Variants in CLDN16 observed in about 807,000 individuals in gnomAD.
The protein encoded by CLDN16 is claudin 16.
A neutral mutation model predicts 24.6 loss-of-function variants in CLDN16; 13 were observed. That is an observed-to-expected ratio of 0.53 (90% CI 0.34 to 0.84). The LOEUF (loss-of-function observed/expected upper bound fraction) is 0.84. Ranked by LOEUF, CLDN16 falls within the 40% of genes least tolerant of loss-of-function variation. CLDN16 has a pLI of 0.01. For synonymous variants in CLDN16, 116 were observed against 106.7 expected (o/e 1.09, Z -0.54); for missense variants, 298 against 292.7 (o/e 1.02, Z -0.13).
intron 3 of CLDN16, among the ~76,000 whole-genome samples, chr3:190,407,907 A>C (rs894839260): frequency 6.6e-6 from 1 of 152,208 alleles, no homozygotes; most frequent in African/African-American, 2.4e-5. Flanking sequence ...AAATCATTAC[A>C]GAATGAACAT....
chr3:190,335,326 G>A (rs1717276610), intron 1 of CLDN16, among the ~76,000 whole-genome samples: 1 of 151,978 alleles, frequency 6.6e-6, no homozygotes. Context: ...TTACAGATGT[G>A]AGCCACTGCA....
At chr3:190,311,767 G>C in the CLDN16 span, among the ~76,000 whole-genome samples, 2 of 151,022 alleles carry the variant, frequency 1.3e-5, no homozygotes, top group East Asian at 3.9e-4. Context: ...TATACACACA[G>C]AGAGATTGCA....
At chr3:190,371,908 C>T (rs1560089798) in intron 2 of CLDN16, among the ~76,000 whole-genome samples, 1 of 151,930 alleles carries the variant, frequency 6.6e-6, no homozygotes, top group Non-Finnish European at 1.5e-5. Flanking sequence ...TCCCAGGTCA[C>T]CGAACATCTA....
chr3:190,383,322 A>G (rs1718412099), upstream of CLDN16, among the ~76,000 whole-genome samples: 1 of 152,088 alleles, frequency 6.6e-6, no homozygotes, highest in East Asian at 1.9e-4. Flanking sequence ...CTTTAAGCCT[A>G]AAGAACAAGG....
the CLDN16 span, among the ~76,000 whole-genome samples, chr3:190,293,613 T>A: frequency 6.6e-6 from 1 of 152,192 alleles, no homozygotes; most frequent in South Asian, 2.1e-4. Context: ...AATGAGGGAC[T>A]GTGGGGTTTG....
At chr3:190,291,834 G>T in the CLDN16 span, among the ~76,000 whole-genome samples, 1 of 152,150 alleles carries the variant, frequency 6.6e-6, no homozygotes, top group Non-Finnish European at 1.5e-5. Context: ...CAGGCCCCAT[G>T]CAAGTCCAAA....
At chr3:190,402,104 A>G (rs957526938) in intron 1 of CLDN16, among the ~76,000 whole-genome samples, 1 of 151,934 alleles carries the variant, frequency 6.6e-6, no homozygotes, top group African/African-American at 2.4e-5. Flanking sequence ...TTATTTCTCT[A>G]CCCCCACCCT....
chr3:190,350,177 A>G (rs1717640359), intron 1 of CLDN16, among the ~76,000 whole-genome samples: 1 of 151,490 alleles, frequency 6.6e-6, no homozygotes, highest in South Asian at 2.1e-4. Context: ...AGTAGAATCC[A>G]GTAGAAATAT....
intron 1 of CLDN16, among the ~76,000 whole-genome samples, chr3:190,349,091 C>T (rs971504038): frequency 2.0e-5 from 3 of 152,082 alleles, no homozygotes; most frequent in Non-Finnish European, 4.4e-5. Context: ...GTTGATGAAT[C>T]GATATCAGAT....
In CLDN16 at chr3:190,388,428, T is replaced by C. The variant is rs201545856; in HGVS notation, c.99T>C (p.Ala33=). ...GGACTGACTGTTGGATGGTGAATGCTGATGACTCTCTGGAGGTAAGAAGAT... is the reference window on the plus strand; with the variant it reads ...GGACTGACTGTTGGATGGTGAATGCCGATGACTCTCTGGAGGTAAGAAGAT... The part of the protein sequence containing the change: ...ATWTDCWMVN[A]DDSLEVSTKC... The change falls in exon 1 of 5, where the codon GCT becomes GCC. Residue 33 remains alanine (A), a synonymous_variant. Transcript: ENST00000264734. The C allele has an allele frequency of 2.4e-5, 38 of 1,614,060 alleles. No homozygotes were observed. The East Asian group carries it at 8.2e-4, about 35-fold the overall frequency.
chr3:190,409,388 T>C (rs1560100251), intron 4 of CLDN16, among the ~76,000 whole-genome samples: 1 of 151,870 alleles, frequency 6.6e-6, no homozygotes, highest in Non-Finnish European at 1.5e-5. Flanking sequence ...TTTATAATTG[T>C]ATGCATATAT....
chr3:190,333,536 A>G (rs1429187467), intron 1 of CLDN16, among the ~76,000 whole-genome samples: 6 of 17,412 alleles, frequency 3.4e-4, no homozygotes, highest in Non-Finnish European at 8.2e-4. Flanking sequence ...TCTATCATCT[A>G]TCTATCTATC....
At chr3:190,342,578 A>G (rs981952792) in intron 1 of CLDN16, among the ~76,000 whole-genome samples, 8 of 152,234 alleles carry the variant, frequency 5.3e-5, no homozygotes, top group Non-Finnish European at 1.0e-4. Context: ...ATACAAAGCT[A>G]TAGTAAACAA....
rs104893730 is a variant in CLDN16, at chr3:190,404,786, T to G, written c.242T>G (p.Leu81Trp). 6.2e-7 allele frequency: 1 copy of G among 1,614,196 alleles called. No homozygotes were observed. Among genetic ancestry groups the G allele is most frequent in the Non-Finnish European group, 8.5e-7 (1 of 1,180,038 alleles). The stretch of plus-strand genomic sequence containing the variant: ...GTGAAGCTGGTGGTAACTCGAGCGT[T>G]GATGATTACTGCAGATATTCTAGCT... ...HPLKLVVTRALMITADILAGF... is the reference protein window; with the variant it reads ...HPLKLVVTRAWMITADILAGF... The change falls in exon 3 of 5, where the codon TTG (leucine) becomes TGG (tryptophan). Residue 81 changes from leucine to tryptophan, a missense_variant. Transcript: ENST00000264734.
chr3:190,330,007 T>C lies in CLDN16; in HGVS notation n.121+7346T>C, dbSNP rs75844941. ...GTTAGCTGACTAATTTGGGGACTATTGAAATATTGTAGAAGAAATATCTCA... is the reference window on the plus strand; with the variant it reads ...GTTAGCTGACTAATTTGGGGACTATCGAAATATTGTAGAAGAAATATCTCA... On this transcript the variant is annotated intron_variant and non_coding_transcript_variant, in intron 1 of 4. Coordinates refer to the CLDN16 transcript ENST00000468220. Among the ~76,000 whole-genome samples the C allele has an allele frequency of 1.2e-3, 176 of 152,174 alleles. 4 individuals carry two copies. In the East Asian group the frequency reaches 0.03, roughly 26 times the overall value.
At chr3:190,305,622 G>A in the CLDN16 span, 1 of 152,064 alleles carries the variant, frequency 6.6e-6, no homozygotes, top group Non-Finnish European at 1.5e-5. Flanking sequence ...CCAGGATCAT[G>A]GTGAGTCAGA....
At chr3:190,383,998 G>C (rs1173354733), upstream of CLDN16, among the ~76,000 whole-genome samples, 9 of 151,972 alleles carry the variant, frequency 5.9e-5, no homozygotes, top group African/African-American at 2.2e-4. Flanking sequence ...TCATTTTATT[G>C]ACAAGAAGGC....
chr3:190,331,722 T>A (rs1194706583), intron 1 of CLDN16, among the ~76,000 whole-genome samples: 1 of 152,210 alleles, frequency 6.6e-6, no homozygotes, highest in Non-Finnish European at 1.5e-5. Context: ...AATTAGTCTA[T>A]TAGTTTTCTG....
rs1719243389 is a variant in CLDN16 at position 190,410,275 on chromosome 3, A to G, written c.*239A>G. On this transcript the variant is annotated 3_prime_UTR_variant, in exon 5 of 5. Transcript: ENST00000264734. Reference sequence around the variant, plus strand: ...ACACACTTTCCCTATATTTTAAGATAAGTCTGCTAGGATGTAGAAATATTT... The same window carrying G: ...ACACACTTTCCCTATATTTTAAGATGAGTCTGCTAGGATGTAGAAATATTT... 2 of 512,610 alleles carry G rather than the reference A, an allele frequency of 3.9e-6. No homozygotes were observed. Among genetic ancestry groups the G allele is most frequent in the Admixed American group, 3.2e-5 (1 of 31,014 alleles). 31.8% of individuals were successfully genotyped at this position (512,610 alleles called of 1,614,324 possible). A position where few individuals can be genotyped will look rare whatever the true frequency, so the allele number is the denominator to read the frequency against.
Sources: allele counts gnomAD v4.1 joint callset (sites outside exome capture counted in the v4.1 genomes callset), GRCh38; gene constraint gnomAD v4.1.1; transcripts MANE v1.5; gene names NCBI Gene and HGNC (gene_info 2026-07-23, HGNC 2026-07-21).